Variants in TAFA1 observed in about 807,000 individuals in gnomAD.
TAFA1 encodes the protein TAFA chemokine like family member 1, also known as chemokine-like protein TAFA-1.
TAFA1 carries 4 observed loss-of-function variants against 18.5 expected under a neutral mutation model. The ratio of observed to expected loss-of-function variants is 0.22; its 90% confidence interval spans 0.11 to 0.49. The LOEUF (loss-of-function observed/expected upper bound fraction) is 0.49. TAFA1 is among the 20% of genes least tolerant of loss of function. TAFA1 has a pLI of 0.98. For synonymous variants in TAFA1, 56 were observed against 55.2 expected, an observed-to-expected ratio of 1.01 and a Z score of -0.06; for missense variants, 147 against 169.0, an observed-to-expected ratio of 0.87 and a Z score of 0.72.
chr3:68,440,359 A>T (rs530744315), intron 3 of TAFA1, among the ~76,000 whole-genome samples: 49 of 152,334 alleles, frequency 3.2e-4, no homozygotes, highest in African/African-American at 1.1e-3. Context: ...TGTCTTTATC[A>T]GCAGCATGAA....
intron 2 of TAFA1, among the ~76,000 whole-genome samples, chr3:68,414,017 C>G (rs1232540554): frequency 6.6e-6 from 1 of 151,974 alleles, no homozygotes; most frequent in Admixed American, 6.6e-5. Context: ...AGAGTCATAA[C>G]AAATCGGCTG....
chr3:68,377,552 A>T (rs2069842266), intron 2 of TAFA1, among the ~76,000 whole-genome samples: 2 of 152,230 alleles, frequency 1.3e-5, no homozygotes, highest in Admixed American at 1.3e-4. Context: ...CAGCCTGATG[A>T]TGCAATAGAA....
At chr3:68,064,693 C>G (rs1213647328) in intron 2 of TAFA1, among the ~76,000 whole-genome samples, 1 of 151,348 alleles carries the variant, frequency 6.6e-6, no homozygotes, top group African/African-American at 2.4e-5. Flanking sequence ...TTCTTAACTC[C>G]TCAGAAAATA....
chr3:68,065,799 C>A lies in TAFA1; in HGVS notation c.118+59055C>A, dbSNP rs543615176. Among the ~76,000 whole-genome samples, 551 of 99,004 alleles carry A rather than the reference C, an allele frequency of 5.6e-3. 6 individuals carry two copies. Among genetic ancestry groups the A allele is most frequent in the African/African-American group, 0.021 (516 of 24,118 alleles). The allele number at this position is 99,004 out of a possible 152,430, so 65.0% of individuals were successfully genotyped here. On this transcript the variant is annotated intron_variant, in intron 2 of 4. Coordinates refer to ENST00000478136, the MANE Select transcript of TAFA1 (RefSeq NM_213609.4). ...ATTACCTATGCCTCTGTCTATTGAT[C>A]AATCTATCTATCTCTTTATTTTTAT...
intron 2 of TAFA1, among the ~76,000 whole-genome samples, chr3:68,148,662 C>T (rs943198402): frequency 7.2e-5 from 11 of 152,116 alleles, no homozygotes; most frequent in African/African-American, 9.7e-5. Context: ...CTCCCAACTC[C>T]GGCAGCTTTC....
chr3:68,176,143 A>G (rs1441209106), intron 2 of TAFA1, among the ~76,000 whole-genome samples: 5 of 152,164 alleles, frequency 3.3e-5, no homozygotes, highest in Non-Finnish European at 5.9e-5. Flanking sequence ...AGTCTCAGGT[A>G]CGTCTTTATC....
chr3:68,442,387 C>T (rs780763981), intron 3 of TAFA1, among the ~76,000 whole-genome samples: 6 of 152,070 alleles, frequency 3.9e-5, no homozygotes, highest in Non-Finnish European at 7.4e-5. Flanking sequence ...CATCCATTCC[C>T]CTCCAAAGAC....
chr3:68,076,084 A>G (rs2064819821), intron 2 of TAFA1, among the ~76,000 whole-genome samples: 2 of 152,198 alleles, frequency 1.3e-5, no homozygotes, highest in South Asian at 4.1e-4. Context: ...CATCACAGAA[A>G]TGTGGTTTTT....
At chr3:68,120,249 CTTTCTTTCTTTCT>C (rs2065382373) in intron 2 of TAFA1, among the ~76,000 whole-genome samples, 1 of 55,454 alleles carries the variant, frequency 1.8e-5, no homozygotes. Context: ...TTCTTTCTTT[CTTTCTTTCTTTCT>C]TTTTTGAGAC....
At chr3:68,425,717 A>G (rs1456568169) in intron 3 of TAFA1, among the ~76,000 whole-genome samples, 1 of 151,932 alleles carries the variant, frequency 6.6e-6, no homozygotes, top group Non-Finnish European at 1.5e-5. Flanking sequence ...CAGTCATCAT[A>G]TGTATCTATC....
At chr3:67,993,427 A>C in the TAFA1 span, among the ~76,000 whole-genome samples, 1 of 152,220 alleles carries the variant, frequency 6.6e-6, no homozygotes, top group Non-Finnish European at 1.5e-5. Flanking sequence ...GTTGGCTTGT[A>C]AGTATTTTCC....
chr3:68,505,370 C>G (rs911888705), intron 3 of TAFA1, among the ~76,000 whole-genome samples: 4 of 152,112 alleles, frequency 2.6e-5, no homozygotes, highest in African/African-American at 9.7e-5. Context: ...TCACATTATG[C>G]AAGTTTAAGG....
At chr3:67,997,826 T>C in the TAFA1 span, among the ~76,000 whole-genome samples, 1 of 84,606 alleles carries the variant, frequency 1.2e-5, no homozygotes, top group Non-Finnish European at 2.9e-5. Flanking sequence ...TTTCATGTAG[T>C]AAAAAATTTA....
At chr3:68,262,384 G>A (rs577308681) in intron 2 of TAFA1, among the ~76,000 whole-genome samples, 82 of 136,358 alleles carry the variant, frequency 6.0e-4, no homozygotes, top group African/African-American at 2.2e-3. Context: ...AACCCAGCCA[G>A]GTAGTGAGCA....
intron 2 of TAFA1, among the ~76,000 whole-genome samples, chr3:68,370,395 C>T (rs189227441): frequency 3.4e-4 from 28 of 83,078 alleles, no homozygotes; most frequent in African/African-American, 9.7e-4. Context: ...TATATACACA[C>T]ATATATATAC....
intron 3 of TAFA1, among the ~76,000 whole-genome samples, chr3:68,434,696 G>A (rs2071240104): frequency 6.6e-6 from 1 of 152,042 alleles, no homozygotes; most frequent in Admixed American, 6.6e-5. Context: ...TTATTCTGAT[G>A]GGAAAACACT....
chr3:68,123,603 T>C (rs149120281), intron 2 of TAFA1, among the ~76,000 whole-genome samples: 58 of 152,252 alleles, frequency 3.8e-4, no homozygotes, highest in African/African-American at 1.3e-3. Context: ...CATTAAATGG[T>C]TGAATCTATT....
At chr3:68,285,051 G>A (rs2067970682) in intron 2 of TAFA1, among the ~76,000 whole-genome samples, 1 of 152,286 alleles carries the variant, frequency 6.6e-6, no homozygotes, top group East Asian at 1.9e-4. Flanking sequence ...TTGTGCCGCT[G>A]CACTCCAGCC....
At chr3:68,279,983 A>T (rs1013142760) in intron 2 of TAFA1, among the ~76,000 whole-genome samples, 1 of 152,144 alleles carries the variant, frequency 6.6e-6, no homozygotes, top group African/African-American at 2.4e-5. Flanking sequence ...ATTTTCCCAA[A>T]TTCTCATCCT....
Sources: gnomAD v4.1 joint callset for allele counts (sites outside exome capture counted in the v4.1 genomes callset) on GRCh38, gnomAD v4.1.1 for gene constraint, MANE v1.5 for transcripts, NCBI Gene and HGNC (gene_info 2026-07-23, HGNC 2026-07-21) for gene names.